Variants in EPB41L4B observed in about 807,000 individuals in gnomAD.
The protein encoded by EPB41L4B is band 4.1-like protein 4B.
A neutral mutation model predicts 112.5 loss-of-function variants in EPB41L4B; 30 were observed. The ratio of observed to expected loss-of-function variants is 0.27; its 90% CI spans 0.20 to 0.36. The LOEUF (loss-of-function observed/expected upper bound fraction) is 0.36, where lower values mean the gene tolerates loss of function less well. EPB41L4B is among the 10% of genes least tolerant of loss of function. The pLI is 1.00. For synonymous variants in EPB41L4B, 408 were observed against 439.7 expected (o/e 0.93, Z 0.90); for missense variants, 1,024 against 1,133.3 (o/e 0.90, Z 1.38).
At chr9:109,271,472 C>T (rs1057100040) in intron 2 of EPB41L4B, among the ~76,000 whole-genome samples, 3 of 152,196 alleles carry the variant, frequency 2.0e-5, no homozygotes, top group Non-Finnish European at 4.4e-5. Flanking sequence ...ATCTTGTATC[C>T]AACCAGTTCA....
chr9:109,190,805 G>C (rs1217440128), intron 22 of EPB41L4B, among the ~76,000 whole-genome samples: 1 of 152,248 alleles, frequency 6.6e-6, no homozygotes, highest in Admixed American at 6.5e-5. Flanking sequence ...GACTGGATGA[G>C]ATGGTCCCAA....
rs753408962 is a variant in EPB41L4B at position 109,172,402 on chromosome 9, T to C, written c.*2152A>G. The C allele has an allele frequency of 2.6e-5, 4 of 152,164 alleles. No homozygotes were observed. The highest frequency in any genetic ancestry group is 5.9e-5 in the Non-Finnish European group (4 of 68,034). 9.4% of individuals were successfully genotyped at this position (152,164 alleles called of 1,614,324 possible). A position where few individuals can be genotyped will look rare whatever the true frequency, so the allele number is the denominator to read the frequency against. ...CATATTTTGTATCATGTGCACAAGA[T>C]AAAGAACAGCTAAAGCTGTTTTAAA... On this transcript the variant is annotated 3_prime_UTR_variant, in exon 26 of 26. Coordinates refer to ENST00000374566, the MANE Select transcript of EPB41L4B (RefSeq NM_019114.5).
intron 1 of EPB41L4B, among the ~76,000 whole-genome samples, chr9:109,316,809 G>A (rs1282070478): frequency 1.3e-5 from 2 of 152,164 alleles, no homozygotes; most frequent in African/African-American, 2.4e-5. Flanking sequence ...CAAAGACTAA[G>A]AACACCCAGG....
intron 23 of EPB41L4B, among the ~76,000 whole-genome samples, chr9:109,184,260 C>T (rs1458596374): frequency 2.6e-5 from 4 of 152,220 alleles, no homozygotes; most frequent in African/African-American, 7.2e-5. Flanking sequence ...CACTCTGTCA[C>T]CCAGGCTGGA....
chr9:109,184,778 A>T (rs925192648), intron 23 of EPB41L4B, among the ~76,000 whole-genome samples: 4 of 152,244 alleles, frequency 2.6e-5, no homozygotes, highest in Admixed American at 2.0e-4. Context: ...TGATGCAAAA[A>T]GCTATATGTG....
At chr9:109,313,767 C>T (rs1486020302) in intron 1 of EPB41L4B, among the ~76,000 whole-genome samples, 1 of 152,148 alleles carries the variant, frequency 6.6e-6, no homozygotes, top group African/African-American at 2.4e-5. Context: ...GAGCCGAGGG[C>T]CTCACCCTAA....
intron 1 of EPB41L4B, among the ~76,000 whole-genome samples, chr9:109,303,115 A>G (rs1036241791): frequency 1.3e-5 from 2 of 151,648 alleles, no homozygotes; most frequent in African/African-American, 4.8e-5. Flanking sequence ...AAAGAAAAAA[A>G]GGGGTAAAAA....
chr9:109,271,728 G>A (rs376311859), intron 2 of EPB41L4B, among the ~76,000 whole-genome samples: 6 of 152,242 alleles, frequency 3.9e-5, no homozygotes, highest in African/African-American at 1.4e-4. Flanking sequence ...CAAGGCAAAC[G>A]GCTCCGGCCC....
intron 6 of EPB41L4B, among the ~76,000 whole-genome samples, chr9:109,258,779 G>C (rs1010959248): frequency 6.6e-6 from 1 of 152,198 alleles, no homozygotes; most frequent in East Asian, 1.9e-4. Flanking sequence ...GAAGGGGAGG[G>C]AGAGGCAGAG....
chr9:109,205,792 C>G (rs1832973564), intron 18 of EPB41L4B, among the ~76,000 whole-genome samples: 1 of 152,166 alleles, frequency 6.6e-6, no homozygotes, highest in South Asian at 2.1e-4. Flanking sequence ...AATAACCTGA[C>G]AGATGTTGTT....
intron 15 of EPB41L4B, among the ~76,000 whole-genome samples, chr9:109,242,371 T>G (rs887535512): frequency 6.6e-6 from 1 of 152,250 alleles, no homozygotes; most frequent in Non-Finnish European, 1.5e-5. Flanking sequence ...GTTTACGGCT[T>G]TCCTCAGAAG....
At chr9:109,277,160 A>ACTT (rs555351730) in intron 2 of EPB41L4B, among the ~76,000 whole-genome samples, 1 of 152,148 alleles carries the variant, frequency 6.6e-6, no homozygotes, top group African/African-American at 2.4e-5. Context: ...AGAATCAAGA[A>ACTT]GAGTTCCAGG....
Position 109,253,427 on chromosome 9 carries a change from G to T in EPB41L4B, c.1279+14C>A. The T allele has an allele frequency of 6.3e-7, 1 of 1,578,136 alleles. No homozygotes were observed. Among genetic ancestry groups the T allele is most frequent in the South Asian group, 1.1e-5 (1 of 89,190 alleles). On this transcript the variant is annotated intron_variant, in intron 12 of 25. Coordinates refer to ENST00000374566, the MANE Select transcript of EPB41L4B (RefSeq NM_019114.5). ...ATAATGTAAAATTCCAAGAAAGAAT[G>T]AAAAACACACAACCTTTGAACGTTG...
At chr9:109,260,149 C>T (rs576663962) in intron 6 of EPB41L4B, among the ~76,000 whole-genome samples, 14 of 152,200 alleles carry the variant, frequency 9.2e-5, no homozygotes, top group African/African-American at 3.4e-4. Flanking sequence ...TCTCTGCAAC[C>T]TCAAACCTCA....
At chr9:109,281,121 TGA>T (rs1264721362) in intron 1 of EPB41L4B, among the ~76,000 whole-genome samples, 1 of 149,628 alleles carries the variant, frequency 6.7e-6, no homozygotes, top group African/African-American at 2.4e-5. Flanking sequence ...CATCAAAATG[TGA>T]GACTTTTTTT....
intron 24 of EPB41L4B, among the ~76,000 whole-genome samples, chr9:109,179,791 C>T (rs918628847): frequency 6.6e-6 from 1 of 152,142 alleles, no homozygotes; most frequent in African/African-American, 2.4e-5. Context: ...TATCTGTGCA[C>T]TTCTGTCCAC....
intron 15 of EPB41L4B, among the ~76,000 whole-genome samples, chr9:109,217,381 TAAATG>T (rs1462327711): frequency 6.6e-6 from 1 of 152,220 alleles, no homozygotes; most frequent in Non-Finnish European, 1.5e-5. Flanking sequence ...TATTTGAAAT[TAAATG>T]AAATAATATT....
rs376337705 is a variant in EPB41L4B at position 109,287,962 on chromosome 9, C to T, written c.307-8041G>A. 2.0e-3 allele frequency among the ~76,000 whole-genome samples: 300 copies of T among 152,374 alleles called. 12 individuals carry two copies. In the South Asian group the frequency reaches 0.057, roughly 29 times the overall value. On this transcript the variant is annotated intron_variant, in intron 1 of 25. Transcript: ENST00000374566. ...CTTCCCTTCCATCTCCATTACAGCT[C>T]AAGTCATGTCACTTTGTACCTGGAC...
intron 11 of EPB41L4B, among the ~76,000 whole-genome samples, chr9:109,254,323 T>C (rs576790134): frequency 6.6e-6 from 1 of 152,324 alleles, no homozygotes; most frequent in East Asian, 1.9e-4. Context: ...CGGTAACCTC[T>C]GCATCCTCCA....
Sources: gnomAD v4.1 joint callset for allele counts (sites outside exome capture counted in the v4.1 genomes callset) on GRCh38, gnomAD v4.1.1 for gene constraint, MANE v1.5 for transcripts, NCBI Gene and HGNC (gene_info 2026-07-23, HGNC 2026-07-21) for gene names.